Variants in TENM3 observed in about 807,000 individuals in gnomAD.
TENM3 encodes the protein teneurin transmembrane protein 3.
Under a neutral mutation model 255.1 loss-of-function variants are expected in TENM3, and 63 were observed. The observed-to-expected ratio is 0.25, with a 90% CI of 0.20 to 0.30. The LOEUF (loss-of-function observed/expected upper bound fraction) is 0.30. TENM3 is among the 10% of genes least tolerant of loss of function. TENM3 has a pLI of 1.00. For synonymous variants in TENM3, 1,306 were observed against 1,322.3 expected (o/e 0.99, Z 0.27); for missense variants, 2,929 against 3,461.1 (o/e 0.85, Z 3.86).
chr4:182,800,002 C>T lies in TENM3; in HGVS notation c.7751C>T (p.Thr2584Met), dbSNP rs1281742771. The T allele has an allele frequency of 1.3e-6, 2 of 1,592,946 alleles. No individual in the cohort carries two copies. Among genetic ancestry groups the T allele is most frequent in the Admixed American group, 1.8e-5 (1 of 57,042 alleles). Residue 2584 changes from threonine to methionine, a missense_variant, in exon 28 of 28, where the codon ACG (threonine) becomes ATG (methionine). Coordinates refer to ENST00000511685, the MANE Select transcript of TENM3 (RefSeq NM_001080477.4). ...AACGTGACGGTGTCGCAGTCCACCA[C>T]GGTGGTGAACGGCAGGACGCGCAGG... ...GINVTVSQST[T>M]VVNGRTRRFA...
chr4:181,653,616 C>T, the TENM3 span, among the ~76,000 whole-genome samples: 262 of 151,206 alleles, frequency 1.7e-3, 2 homozygotes, highest in African/African-American at 6.3e-3. Flanking sequence ...GGCCAGGATG[C>T]TCTTGATCTC....
chr4:181,512,053 C>A, the TENM3 span, among the ~76,000 whole-genome samples: 1 of 152,104 alleles, frequency 6.6e-6, no homozygotes, highest in African/African-American at 2.4e-5. Context: ...AAGGCCTGTC[C>A]ACAATCTCAT....
chr4:182,651,604 C>T (rs973036583), intron 5 of TENM3, among the ~76,000 whole-genome samples: 2 of 151,778 alleles, frequency 1.3e-5, no homozygotes, highest in Admixed American at 6.6e-5. Flanking sequence ...GGCTGAAGCA[C>T]GAAAATTGCT....
chr4:181,504,420 A>T, the TENM3 span, among the ~76,000 whole-genome samples: 1 of 152,188 alleles, frequency 6.6e-6, no homozygotes, highest in African/African-American at 2.4e-5. Context: ...TGCAGAAGAA[A>T]ACAGGAACTG....
chr4:182,633,686 A>C (rs1751596414), intron 5 of TENM3, among the ~76,000 whole-genome samples: 1 of 152,238 alleles, frequency 6.6e-6, no homozygotes, highest in Non-Finnish European at 1.5e-5. Flanking sequence ...TTTAATTTCC[A>C]CAACAACCTT....
chr4:181,607,290 A>G, the TENM3 span, among the ~76,000 whole-genome samples: 1 of 152,222 alleles, frequency 6.6e-6, no homozygotes, highest in South Asian at 2.1e-4. Flanking sequence ...GTGATAGTCT[A>G]TGTCAGTGCT....
chr4:182,342,962 TC>T (rs1427685079), intron 2 of TENM3, among the ~76,000 whole-genome samples: 1 of 152,190 alleles, frequency 6.6e-6, no homozygotes, highest in Non-Finnish European at 1.5e-5. Flanking sequence ...TAACCCATTT[TC>T]CCAATCTCCT....
In TENM3 at chr4:182,775,009, G is replaced by C; in HGVS notation, c.5160G>C (p.Pro1720=). 6.2e-7 allele frequency: 1 copy of C among 1,613,932 alleles called. No individual in the cohort carries two copies. Among genetic ancestry groups the C allele is most frequent in the Non-Finnish European group, 8.5e-7 (1 of 1,179,858 alleles). Residue 1720 remains proline (P), a synonymous_variant, in exon 24 of 28, where the codon CCG becomes CCC. Transcript: ENST00000511685. ...SGLDSHYQTE[P]HVLAGTANPT... Reference sequence around the variant, plus strand: ...TGGACTCACACTACCAAACAGAGCCGCACGTTCTGGCTGGCACCGCTAATC... The same window carrying C: ...TGGACTCACACTACCAAACAGAGCCCCACGTTCTGGCTGGCACCGCTAATC...
chr4:182,537,371 A>G (rs1441624034), intron 3 of TENM3, among the ~76,000 whole-genome samples: 1 of 152,088 alleles, frequency 6.6e-6, no homozygotes, highest in South Asian at 2.1e-4. Context: ...TCTATGTAAG[A>G]TCTCTCTCTT....
At chr4:182,076,210 CTTCTTT>C in the TENM3 span, among the ~76,000 whole-genome samples, 7 of 110,326 alleles carry the variant, frequency 6.3e-5, no homozygotes, top group African/African-American at 1.5e-4. Context: ...CCTTCTTCTT[CTTCTTT>C]TTTTTTTTTT....
the TENM3 span, among the ~76,000 whole-genome samples, chr4:181,826,334 T>C: frequency 7.9e-5 from 12 of 152,346 alleles, no homozygotes; most frequent in East Asian, 2.1e-3. Context: ...TTGGTAGCAC[T>C]ATCAATGATA....
the TENM3 span, among the ~76,000 whole-genome samples, chr4:181,742,149 T>C: frequency 1.3e-5 from 2 of 152,090 alleles, no homozygotes; most frequent in Non-Finnish European, 2.9e-5. Flanking sequence ...CATGTAGATT[T>C]ATTTAAAACA....
chr4:182,296,039 C>T (rs996509231), intron 1 of TENM3, among the ~76,000 whole-genome samples: 1 of 152,168 alleles, frequency 6.6e-6, no homozygotes, highest in Non-Finnish European at 1.5e-5. Flanking sequence ...TCAGCCTCCA[C>T]CTCCTGGGTT....
chr4:182,714,315 C>CAAA (rs374337174), intron 13 of TENM3, 82 bp downstream of exon 13: 249 of 140,856 alleles, frequency 1.8e-3, no homozygotes, highest in South Asian at 5.7e-3. Context: ...TATCTGTTGC[C>CAAA]AAAAAAAAAA....
At chr4:182,530,606 A>G (rs1281234844) in intron 3 of TENM3, among the ~76,000 whole-genome samples, 2 of 152,094 alleles carry the variant, frequency 1.3e-5, no homozygotes, top group Non-Finnish European at 2.9e-5. Context: ...TCTACCTACT[A>G]GATGCTGGTA....
chr4:182,549,081 T>A (rs1156373443), intron 3 of TENM3, among the ~76,000 whole-genome samples: 1 of 152,220 alleles, frequency 6.6e-6, no homozygotes, highest in Non-Finnish European at 1.5e-5. Flanking sequence ...GATAGAATTT[T>A]AAAGTCGGCT....
intron 13 of TENM3, among the ~76,000 whole-genome samples, chr4:182,715,524 G>T (rs1402590002): frequency 1.3e-5 from 2 of 152,202 alleles, no homozygotes; most frequent in African/African-American, 2.4e-5. Flanking sequence ...GAAGTGTGTA[G>T]CATATTGCCA....
the TENM3 span, among the ~76,000 whole-genome samples, chr4:182,062,587 A>G: frequency 6.6e-6 from 1 of 152,240 alleles, no homozygotes; most frequent in South Asian, 2.1e-4. Flanking sequence ...AAACCTTTCC[A>G]TGACTACCAA....
intron 1 of TENM3, among the ~76,000 whole-genome samples, chr4:182,229,888 T>A (rs1756448129): frequency 6.6e-6 from 1 of 152,128 alleles, no homozygotes; most frequent in African/African-American, 2.4e-5. Context: ...GGAAGGATGG[T>A]GTTTAAAGGC....
Sources: allele counts gnomAD v4.1 joint callset (sites outside exome capture counted in the v4.1 genomes callset), GRCh38; gene constraint gnomAD v4.1.1; transcripts MANE v1.5; gene names NCBI Gene and HGNC (gene_info 2026-07-23, HGNC 2026-07-21).